The following CHRDL1 variants were observed in gnomAD, a reference collection of about 807,000 sequenced individuals.
CHRDL1 encodes chordin like 1.
CHRDL1 carries 19 observed loss-of-function variants against 40.9 expected under a neutral mutation model. That is an observed-to-expected ratio of 0.46 (90% confidence interval 0.32 to 0.68). The LOEUF (loss-of-function observed/expected upper bound fraction) is 0.68, where lower values mean the gene tolerates loss of function less well. Among genes scored for constraint, CHRDL1 ranks in the 30% least tolerant of loss-of-function variants. The pLI, the probability that CHRDL1 is intolerant of heterozygous loss-of-function variation, is 0.03. For synonymous variants in CHRDL1, 136 were observed against 123.4 expected, an observed-to-expected ratio of 1.10 and a Z score of -0.68; for missense variants, 329 against 352.1, an observed-to-expected ratio of 0.93 and a Z score of 0.53.
At chrX:110,739,273 G>A (rs775653760) in intron 4 of CHRDL1, among the ~76,000 whole-genome samples, 11 of 111,602 alleles carry the variant, frequency 9.9e-5, no homozygotes, top group Non-Finnish European at 1.7e-4. Context: ...AGTATGCAGC[G>A]GAATACACAA....
At chrX:110,721,644 C>T (rs2070956059) in intron 4 of CHRDL1, 114 bp from the exon 5 acceptor site, 16 of 561,737 alleles carry the variant, frequency 2.8e-5, no homozygotes, top group South Asian at 1.2e-4. Flanking sequence ...AGACAGTCCC[C>T]GCTCCAGTGA....
At chrX:110,768,421 T>C (rs1225919626) in intron 2 of CHRDL1, among the ~76,000 whole-genome samples, 1 of 111,007 alleles carries the variant, frequency 9.0e-6, no homozygotes, top group Admixed American at 9.5e-5. Context: ...GTGTATCCTA[T>C]CTGGGTGTAT....
chrX:110,785,701 T>C (rs1036921653), intron 2 of CHRDL1, among the ~76,000 whole-genome samples: 1 of 112,208 alleles, frequency 8.9e-6, no homozygotes, highest in Non-Finnish European at 1.9e-5. Flanking sequence ...TGGTTATCCA[T>C]ACACGTTGTG....
intron 3 of CHRDL1, among the ~76,000 whole-genome samples, chrX:110,762,230 G>A (rs189045056): frequency 7.2e-4 from 81 of 111,965 alleles, no homozygotes; most frequent in African/African-American, 2.5e-3. Context: ...AAGCAAGAGA[G>A]GACAGAAGAC....
At chrX:110,778,416 C>A (rs950509735) in intron 2 of CHRDL1, among the ~76,000 whole-genome samples, 1 of 111,450 alleles carries the variant, frequency 9.0e-6, no homozygotes, top group Non-Finnish European at 1.9e-5. Flanking sequence ...AAGCAAAAAA[C>A]AAATAACCTC....
At chrX:110,688,450 G>C (rs1451778270) in intron 9 of CHRDL1, 144 bp downstream of exon 9, 1 of 475,383 alleles carries the variant, frequency 2.1e-6, no homozygotes, top group East Asian at 3.8e-5. Flanking sequence ...AGTCTTTCAA[G>C]AGAAGAGAGA....
intron 6 of CHRDL1, among the ~76,000 whole-genome samples, chrX:110,713,207 G>A (rs2070776457): frequency 9.0e-6 from 1 of 111,550 alleles, no homozygotes; most frequent in Non-Finnish European, 1.9e-5. Context: ...TTTGTGGCAT[G>A]TGGCACAGTT....
At chrX:110,765,698 C>A (rs1162841961) in intron 2 of CHRDL1, among the ~76,000 whole-genome samples, 1 of 111,637 alleles carries the variant, frequency 9.0e-6, no homozygotes, top group African/African-American at 3.3e-5. Flanking sequence ...ATTTATAAAA[C>A]AATTACTAAC....
rs73528219 is a variant in CHRDL1 at position 110,719,501 on chromosome X, G to A, written c.541+334C>T. 3.5e-3 allele frequency among the ~76,000 whole-genome samples: 390 copies of A among 110,848 alleles called. 3 individuals carry two copies. Among genetic ancestry groups the A allele is most frequent in the African/African-American group, 0.012 (366 of 30,579 alleles). On this transcript the variant is annotated intron_variant, in intron 6 of 11. Coordinates refer to ENST00000372042, the MANE Select transcript of CHRDL1 (RefSeq NM_001143981.2). ...CCTTCTAAGGCTATGAATGAAAATA[G>A]TCTGTGTTTTATGATACAATAATTT...
chrX:110,764,095 A>AT (rs766187080), intron 2 of CHRDL1, among the ~76,000 whole-genome samples: 12 of 109,142 alleles, frequency 1.1e-4, no homozygotes, highest in Admixed American at 4.9e-4. Context: ...TTTTGATAGG[A>AT]TTTTTTTTTC....
intron 4 of CHRDL1, among the ~76,000 whole-genome samples, chrX:110,738,960 T>C (rs1191126023): frequency 9.0e-6 from 1 of 111,502 alleles, no homozygotes; most frequent in East Asian, 2.8e-4. Flanking sequence ...CACGATACCA[T>C]TGAATGTCAT....
intron 6 of CHRDL1, among the ~76,000 whole-genome samples, chrX:110,702,643 G>C (rs183600716): frequency 1.8e-5 from 2 of 111,909 alleles, no homozygotes; most frequent in Non-Finnish European, 3.8e-5. Context: ...CTGATACATA[G>C]TAGTCGCTCA....
chrX:110,757,851 T>C (rs759027133), intron 4 of CHRDL1, among the ~76,000 whole-genome samples: 4 of 111,182 alleles, frequency 3.6e-5, no homozygotes, highest in Admixed American at 9.6e-5. Flanking sequence ...TGCTAGCTTA[T>C]ACTTTCCCTT....
At chrX:110,714,559 C>T (rs1281393328) in intron 6 of CHRDL1, among the ~76,000 whole-genome samples, 1 of 111,189 alleles carries the variant, frequency 9.0e-6, no homozygotes, top group African/African-American at 3.3e-5. Context: ...ACTATGCTTC[C>T]AGTCCTAATG....
At chrX:110,763,116 T>C (rs992361028) in intron 2 of CHRDL1, among the ~76,000 whole-genome samples, 4 of 111,217 alleles carry the variant, frequency 3.6e-5, no homozygotes, top group Admixed American at 1.9e-4. Flanking sequence ...ATGTACAAAA[T>C]CTTTTTAAAT....
intron 9 of CHRDL1, among the ~76,000 whole-genome samples, chrX:110,683,804 G>T (rs187276890): frequency 4.5e-5 from 5 of 111,474 alleles, no homozygotes; most frequent in African/African-American, 1.6e-4. Flanking sequence ...TGGGTTAGAT[G>T]AAGGTTGCCA....
At position 110,698,329 on chromosome X, in the gene CHRDL1, C is replaced by A. The variant is rs190569336; in HGVS notation, c.609+2325G>T. On this transcript the variant is annotated intron_variant, in intron 7 of 11. Transcript: ENST00000372042. ...CATTAAAATTAATGAGGAACCCCCT[C>A]CCCACTCCACCATCACACACATTTT... is the stretch of plus-strand genomic sequence containing the variant. Among the ~76,000 whole-genome samples, 27 of 111,253 alleles carry A rather than the reference C, an allele frequency of 2.4e-4. No homozygotes were observed. The East Asian group carries it at 7.0e-3, about 29-fold the overall frequency.
rs2070072898 is a variant in CHRDL1 at position 110,688,553 on chromosome X, G to A, written c.988+41C>T. ...AAGAAAGTTTAGAAAGACTAGGTGA[G>A]AATCTCAGTCAACCAAAAGCAGGGC... On this transcript the variant is annotated intron_variant, in intron 9 of 11. Transcript: ENST00000372042. The A allele has an allele frequency of 6.2e-6, 6 of 968,360 alleles. No individual in the cohort carries two copies. The South Asian group carries it at 1.2e-4, about 19-fold the overall frequency. 79.8% of individuals were successfully genotyped at this position (968,360 alleles called of 1,213,427 possible).
intron 4 of CHRDL1, among the ~76,000 whole-genome samples, chrX:110,744,998 CAT>C (rs2148491184): frequency 9.3e-6 from 1 of 107,969 alleles, no homozygotes; most frequent in East Asian, 2.9e-4. Flanking sequence ...CACACACATA[CAT>C]ACCACACAAT....
Sources: gnomAD v4.1 joint callset for allele counts (sites outside exome capture counted in the v4.1 genomes callset) on GRCh38, gnomAD v4.1.1 for gene constraint, MANE v1.5 for transcripts, NCBI Gene and HGNC (gene_info 2026-07-23, HGNC 2026-07-21) for gene names.